The following MDGA2 variants were observed in gnomAD, a reference collection of about 807,000 sequenced individuals.
The protein encoded by MDGA2 is MAM domain containing glycosylphosphatidylinositol anchor 2, also known as MAM domain-containing glycosylphosphatidylinositol anchor protein 2.
MDGA2 carries 40 observed loss-of-function variants against 117.8 expected under a neutral mutation model. That is an observed-to-expected ratio of 0.34 (90% confidence interval 0.26 to 0.44). The LOEUF is 0.44. Ranked by LOEUF, MDGA2 falls within the 20% of genes least tolerant of loss-of-function variation. The probability of loss-of-function intolerance (pLI) is 1.00; values close to 1 mark genes in which losing one functional copy is unlikely to be tolerated. For missense variants in MDGA2, 1,123 were observed against 1,250.6 expected (o/e 0.90, Z 1.54); for synonymous variants, 452 against 439.0 (o/e 1.03, Z -0.37).
At chr14:47,100,866 G>A (rs1336290597) in intron 5 of MDGA2, among the ~76,000 whole-genome samples, 1 of 152,084 alleles carries the variant, frequency 6.6e-6, no homozygotes, top group East Asian at 1.9e-4. Context: ...ACCACCAGCT[G>A]TAAACATTCT....
chr14:47,200,529 CTTTTCT>C (rs1885458521), intron 3 of MDGA2: 16 of 586,098 alleles, frequency 2.7e-5, no homozygotes, highest in Admixed American at 2.0e-4. Context: ...TTTTCTTTTT[CTTTTCT>C]TTTTTTTTTT....
intron 7 of MDGA2, among the ~76,000 whole-genome samples, chr14:47,052,277 T>C (rs1889486585): frequency 6.6e-6 from 1 of 151,862 alleles, no homozygotes; most frequent in African/African-American, 2.4e-5. Flanking sequence ...TCATTTCTCT[T>C]TGATCTGCTC....
At chr14:47,401,080 C>G (rs1389561028) in intron 1 of MDGA2, among the ~76,000 whole-genome samples, 1 of 151,390 alleles carries the variant, frequency 6.6e-6, no homozygotes, top group Admixed American at 6.6e-5. Flanking sequence ...TCTTTATGTC[C>G]CCAGTACTGT....
At chr14:47,075,865 G>A (rs1163828954) in intron 6 of MDGA2, among the ~76,000 whole-genome samples, 5 of 152,170 alleles carry the variant, frequency 3.3e-5, no homozygotes, top group Middle Eastern at 6.8e-3. Context: ...CACAAAATCT[G>A]TACCCTCCAG....
chr14:47,662,565 G>C (rs1897870903), intron 1 of MDGA2, among the ~76,000 whole-genome samples: 1 of 152,092 alleles, frequency 6.6e-6, no homozygotes, highest in Admixed American at 6.5e-5. Context: ...TTTGAAATAT[G>C]AATCAAAAAG....
At chr14:46,951,834 T>C (rs939372432) in intron 9 of MDGA2, among the ~76,000 whole-genome samples, 1 of 151,956 alleles carries the variant, frequency 6.6e-6, no homozygotes, top group African/African-American at 2.4e-5. Context: ...ATAGAAACTG[T>C]GAGACAATAA....
rs562062684 is a variant in MDGA2, at chr14:47,045,838, G to A, written c.1526-10534C>T. 7.4e-4 allele frequency among the ~76,000 whole-genome samples: 112 copies of A among 152,032 alleles called. 1 individual carries two copies. The South Asian group carries it at 0.018, about 25-fold the overall frequency. ...AAATTAGCCGGGCGTGGTGGCGGGCGCCTGTAATCACAGCTACTTGGGAGG... is the reference window on the plus strand; with the variant it reads ...AAATTAGCCGGGCGTGGTGGCGGGCACCTGTAATCACAGCTACTTGGGAGG... On this transcript the variant is annotated intron_variant, in intron 7 of 16. Coordinates refer to ENST00000399232, the MANE Select transcript of MDGA2 (RefSeq NM_001113498.3).
intron 1 of MDGA2, among the ~76,000 whole-genome samples, chr14:47,381,436 T>C (rs919895409): frequency 1.3e-5 from 2 of 152,196 alleles, no homozygotes; most frequent in Non-Finnish European, 2.9e-5. Flanking sequence ...TGTTTGCAGA[T>C]GACATGATTG....
chr14:47,511,296 A>G (rs1594893635), intron 1 of MDGA2, among the ~76,000 whole-genome samples: 2 of 152,324 alleles, frequency 1.3e-5, no homozygotes, highest in South Asian at 4.1e-4. Flanking sequence ...TCATAAGTTC[A>G]GCATTAAATA....
At chr14:47,419,920 T>C (rs986254599) in intron 1 of MDGA2, among the ~76,000 whole-genome samples, 1 of 152,016 alleles carries the variant, frequency 6.6e-6, no homozygotes, top group African/African-American at 2.4e-5. Context: ...TATAACCAAA[T>C]ACAAACAAGA....
chr14:47,478,336 G>C (rs1287105665), intron 1 of MDGA2, among the ~76,000 whole-genome samples: 1 of 152,018 alleles, frequency 6.6e-6, no homozygotes, highest in Non-Finnish European at 1.5e-5. Context: ...ATCAAATGTT[G>C]TATTCCATGA....
At chr14:46,888,023 G>A (rs1882736654) in intron 10 of MDGA2, among the ~76,000 whole-genome samples, 1 of 151,810 alleles carries the variant, frequency 6.6e-6, no homozygotes, top group African/African-American at 2.4e-5. Flanking sequence ...TTCTACTCAA[G>A]TAATTTTAGT....
chr14:46,999,211 A>G (rs963907425), intron 8 of MDGA2, among the ~76,000 whole-genome samples: 5 of 151,962 alleles, frequency 3.3e-5, no homozygotes, highest in Admixed American at 3.3e-4. Flanking sequence ...CAGCAGGTAA[A>G]AAAAAAAGCT....
intron 9 of MDGA2, among the ~76,000 whole-genome samples, chr14:46,943,546 C>T (rs755540919): frequency 5.9e-5 from 9 of 152,022 alleles, no homozygotes; most frequent in Non-Finnish European, 1.2e-4. Flanking sequence ...GCAACATTCA[C>T]TTACTGATTC....
chr14:46,872,892 A>G (rs1024493346), intron 14 of MDGA2, among the ~76,000 whole-genome samples: 1 of 151,946 alleles, frequency 6.6e-6, no homozygotes. Flanking sequence ...ATTACTGTAC[A>G]AGGTCTCAAG....
chr14:46,990,872 A>C lies in MDGA2; in HGVS notation c.1820-33229T>G, dbSNP rs12589435. ...GATTAGAACACACACACACCCACAC[A>C]CACACACACACACACACACACACAC... On this transcript the variant is annotated intron_variant, in intron 8 of 16. Coordinates refer to ENST00000399232, the MANE Select transcript of MDGA2 (RefSeq NM_001113498.3). Among the ~76,000 whole-genome samples the C allele has an allele frequency of 6.9e-5, 6 of 87,126 alleles. No individual in the cohort carries two copies. In the South Asian group the frequency reaches 1.9e-3, roughly 28 times the overall value. The allele number at this position is 87,126 out of a possible 152,430, so 57.2% of individuals were successfully genotyped here.
chr14:47,372,528 C>T (rs1891385152), intron 1 of MDGA2, among the ~76,000 whole-genome samples: 1 of 151,764 alleles, frequency 6.6e-6, no homozygotes, highest in African/African-American at 2.4e-5. Flanking sequence ...CAACGAAATA[C>T]ACATAAAATT....
At chr14:47,083,556 A>T (rs189809332) in intron 6 of MDGA2, among the ~76,000 whole-genome samples, 1 of 152,042 alleles carries the variant, frequency 6.6e-6, no homozygotes, top group Admixed American at 6.6e-5. Flanking sequence ...TTGGAAACAG[A>T]AGGTAAGTTG....
chr14:47,171,726 A>G (rs891669866), intron 3 of MDGA2, among the ~76,000 whole-genome samples: 3 of 152,210 alleles, frequency 2.0e-5, no homozygotes, highest in Non-Finnish European at 4.4e-5. Flanking sequence ...GACACAGAAG[A>G]TGGGAGATTT....
Sources: gnomAD v4.1 joint callset for allele counts (sites outside exome capture counted in the v4.1 genomes callset) on GRCh38, gnomAD v4.1.1 for gene constraint, MANE v1.5 for transcripts, NCBI Gene and HGNC (gene_info 2026-07-23, HGNC 2026-07-21) for gene names.